ARHGEF5: variants seen among roughly 807,000 people sequenced by gnomAD.
ARHGEF5 encodes Rho guanine nucleotide exchange factor (GEF) 5.
ARHGEF5 carries 11 observed loss-of-function variants against 104.0 expected under a neutral mutation model. The ratio of observed to expected loss-of-function variants is 0.11; its 90% CI spans 0.07 to 0.18. The LOEUF is 0.18. Among genes scored for constraint, ARHGEF5 ranks in the 10% least tolerant of loss-of-function variants. The pLI is 1.00. For synonymous variants in ARHGEF5, 60 were observed against 512.2 expected (o/e 0.12, Z 11.92); for missense variants, 165 against 1,335.4 (o/e 0.12, Z 13.66).
chr7:144,378,238 G>T (rs1287104594), intron 13 of ARHGEF5, among the ~76,000 whole-genome samples: 4 of 152,204 alleles, frequency 2.6e-5, no homozygotes, highest in Non-Finnish European at 1.5e-5. Flanking sequence ...GTAAACTGAA[G>T]CTCCAGGGCT....
At chr7:144,379,831 A>G in intron 14 of ARHGEF5, 68 bp from the exon 15 acceptor site, 1 of 1,590,968 alleles carries the variant, frequency 6.3e-7, no homozygotes, top group Non-Finnish European at 8.6e-7. Flanking sequence ...ACTCTCCAGG[A>G]AGGTGATCCA....
intron 13 of ARHGEF5, among the ~76,000 whole-genome samples, chr7:144,377,911 G>A (rs1480267135): frequency 6.6e-6 from 1 of 152,194 alleles, no homozygotes; most frequent in African/African-American, 2.4e-5. Flanking sequence ...TGGGTGAGGA[G>A]GGCAGGAGCA....
intron 1 of ARHGEF5, among the ~76,000 whole-genome samples, chr7:144,357,364 C>T (rs1169433399): frequency 6.8e-5 from 9 of 133,212 alleles, no homozygotes; most frequent in Admixed American, 2.4e-4. Context: ...TGTATTACAG[C>T]TTTCACTGGC....
rs2053604546 is a variant in ARHGEF5, at chr7:144,357,408, C to T, written c.-13+1907C>T. Among the ~76,000 whole-genome samples the T allele has an allele frequency of 1.5e-5, 2 of 135,880 alleles. 1 individual carries two copies. Among genetic ancestry groups the T allele is most frequent in the Admixed American group, 1.6e-4 (2 of 12,778 alleles). The allele number at this position is 135,880 out of a possible 152,430, so 89.1% of individuals were successfully genotyped here. A position where few individuals can be genotyped will look rare whatever the true frequency, so the allele number is the denominator to read the frequency against. On this transcript the variant is annotated intron_variant, in intron 1 of 14. Coordinates refer to ENST00000056217, the MANE Select transcript of ARHGEF5 (RefSeq NM_005435.4). ...ACTTTCCTGCAATGGATAGAACACA[C>T]ACTGTAGTAGTCAGTGGTCCAGAAA...
rs112592746 is a variant in ARHGEF5, at chr7:144,361,042, G to A, written c.-12-1616G>A. Among the ~76,000 whole-genome samples the A allele has an allele frequency of 1.9e-4, 27 of 144,470 alleles. 1 individual carries two copies. In the South Asian group the frequency reaches 2.6e-3, roughly 14 times the overall value. 94.8% of individuals were successfully genotyped at this position (144,470 alleles called of 152,430 possible). ...CAGGAGATTGAGACCATCCTGGCCA[G>A]AATGGTGAAACCCCGTCTCTACTAA... On this transcript the variant is annotated intron_variant, in intron 1 of 14. Transcript: ENST00000056217.
At chr7:144,361,434 C>T (rs1489407404) in intron 1 of ARHGEF5, among the ~76,000 whole-genome samples, 4 of 138,748 alleles carry the variant, frequency 2.9e-5, no homozygotes, top group South Asian at 2.3e-4. Context: ...GGCAGAATGC[C>T]GCTATCAAAG....
At chr7:144,378,899 G>A in intron 14 of ARHGEF5, 33 bp downstream of exon 14, 1 of 1,589,294 alleles carries the variant, frequency 6.3e-7, no homozygotes, top group Non-Finnish European at 8.6e-7. Context: ...AGCAGGCCAG[G>A]CACTGCAGGC....
rs1259499306 is a variant in ARHGEF5 at position 144,380,528 on chromosome 7, CAT to C, written c.*474_*475del. The C allele has an allele frequency of 6.5e-6, 1 of 154,924 alleles. No homozygotes were observed. Among genetic ancestry groups the C allele is most frequent in the Non-Finnish European group, 1.4e-5 (1 of 69,636 alleles). The allele number at this position is 154,924 out of a possible 1,614,324, so 9.6% of individuals were successfully genotyped here. A position where few individuals can be genotyped will look rare whatever the true frequency, so the allele number is the denominator to read the frequency against. On this transcript the variant is annotated 3_prime_UTR_variant, in exon 15 of 15. Transcript: ENST00000056217. ...GGTATCTTCTAACCTAGAAATTCACCATAATTATGGTGCAAGGTCAGTGTGTC... is the reference window on the plus strand; with the variant it reads ...GGTATCTTCTAACCTAGAAATTCACCAATTATGGTGCAAGGTCAGTGTGTC...
intron 5 of ARHGEF5, among the ~76,000 whole-genome samples, chr7:144,370,548 C>T (rs2053715154): frequency 6.7e-6 from 1 of 150,152 alleles, no homozygotes; most frequent in South Asian, 2.1e-4. Flanking sequence ...ATCACTGCAA[C>T]CTCACCTCCC....
In ARHGEF5 at chr7:144,361,001, G is replaced by T. The variant is rs185315992; in HGVS notation, c.-12-1657G>T. 5.7e-3 allele frequency among the ~76,000 whole-genome samples: 826 copies of T among 145,458 alleles called. 100 individuals carry two copies. The highest frequency in any genetic ancestry group is 0.02 in the African/African-American group (784 of 39,560). ...TCACAACACTTCGGGAGGCCGAGGCGGGTGGATAACGAGGTCAGGAGATTG... is the reference window on the plus strand; with the variant it reads ...TCACAACACTTCGGGAGGCCGAGGCTGGTGGATAACGAGGTCAGGAGATTG... On this transcript the variant is annotated intron_variant, in intron 1 of 14. Coordinates refer to ENST00000056217, the MANE Select transcript of ARHGEF5 (RefSeq NM_005435.4).
At chr7:144,379,354 C>T (rs939129653) in intron 14 of ARHGEF5, among the ~76,000 whole-genome samples, 3 of 152,030 alleles carry the variant, frequency 2.0e-5, no homozygotes, top group South Asian at 2.1e-4. Flanking sequence ...CAAGTAGCTG[C>T]GTGAGCCACC....
intron 1 of ARHGEF5, among the ~76,000 whole-genome samples, chr7:144,357,829 G>A (rs1480966155): frequency 7.5e-6 from 1 of 134,140 alleles, no homozygotes; most frequent in Non-Finnish European, 1.6e-5. Context: ...AGGTTATGTG[G>A]ATGCAGAATG....
Position 144,380,266 on chromosome 7 carries a change from A to C in ARHGEF5, c.*210A>C. ...GGGATTTCGAGGGACTTTGCACTGG[A>C]CTCTGGGAACCTTTCATCATTAAAA... is the stretch of plus-strand genomic sequence containing the variant. On this transcript the variant is annotated 3_prime_UTR_variant, in exon 15 of 15. Coordinates refer to ENST00000056217, the MANE Select transcript of ARHGEF5 (RefSeq NM_005435.4). 1.8e-6 allele frequency: 1 copy of C among 540,744 alleles called. No homozygotes were observed. Among genetic ancestry groups the C allele is most frequent in the South Asian group, 2.8e-5 (1 of 35,134 alleles). 33.5% of individuals were successfully genotyped at this position (540,744 alleles called of 1,614,324 possible). A position where few individuals can be genotyped will look rare whatever the true frequency, so the allele number is the denominator to read the frequency against.
chr7:144,380,302 C>T lies in ARHGEF5; in HGVS notation c.*246C>T. 2.3e-6 allele frequency: 1 copy of T among 442,538 alleles called. No individual in the cohort carries two copies. The highest frequency in any genetic ancestry group is 3.9e-5 in the East Asian group (1 of 25,654). The allele number at this position is 442,538 out of a possible 1,614,324, so 27.4% of individuals were successfully genotyped here. ...CTTTCATCATTAAAAAAAGGGGGAC[C>T]ATTGGGGCCTGAGCCAAGGAACTTT... On this transcript the variant is annotated 3_prime_UTR_variant, in exon 15 of 15. Transcript: ENST00000056217.
intron 13 of ARHGEF5, among the ~76,000 whole-genome samples, chr7:144,377,738 A>G (rs2053771316): frequency 1.3e-5 from 2 of 152,130 alleles, no homozygotes; most frequent in South Asian, 4.1e-4. Context: ...AAGATTCCCT[A>G]ATTTAAATCC....
chr7:144,358,919 G>A, intron 1 of ARHGEF5, among the ~76,000 whole-genome samples: 1 of 84,878 alleles, frequency 1.2e-5, no homozygotes, highest in Admixed American at 1.5e-4. Flanking sequence ...GAATTCTGGG[G>A]TCTTCTCTGG....
chr7:144,360,283 G>A (rs527953196), intron 1 of ARHGEF5, among the ~76,000 whole-genome samples: 1 of 113,140 alleles, frequency 8.8e-6, no homozygotes, highest in Non-Finnish European at 1.9e-5. Context: ...ACTAATTTTT[G>A]TATTTTTTGT....
At chr7:144,374,138 G>A (rs1420468430) in intron 10 of ARHGEF5, among the ~76,000 whole-genome samples, 1 of 69,540 alleles carries the variant, frequency 1.4e-5, no homozygotes, top group African/African-American at 5.1e-5. Context: ...CACCACGCTC[G>A]TGCTTAGAAC....
At chr7:144,361,178 G>A (rs1163297762) in intron 1 of ARHGEF5, among the ~76,000 whole-genome samples, 3 of 134,148 alleles carry the variant, frequency 2.2e-5, no homozygotes, top group African/African-American at 5.5e-5. Flanking sequence ...AATGACCCAA[G>A]ATTGCACCAC....
Sources: allele counts gnomAD v4.1 joint callset (sites outside exome capture counted in the v4.1 genomes callset), GRCh38; gene constraint gnomAD v4.1.1; transcripts MANE v1.5; gene names NCBI Gene and HGNC (gene_info 2026-07-23, HGNC 2026-07-21).